Variants in CTNNA2 observed in about 807,000 individuals in gnomAD.
CTNNA2 encodes catenin alpha-2.
CTNNA2 carries 42 observed loss-of-function variants against 101.0 expected under a neutral mutation model. The ratio of observed to expected loss-of-function variants is 0.42; its 90% CI spans 0.32 to 0.54. The LOEUF is 0.54. Ranked by LOEUF, CTNNA2 falls within the 20% of genes least tolerant of loss-of-function variation. The pLI is 0.14. For missense variants in CTNNA2, 871 were observed against 1,223.1 expected (o/e 0.71, Z 4.29); for synonymous variants, 450 against 456.4 (o/e 0.99, Z 0.18).
intron 17 of CTNNA2, among the ~76,000 whole-genome samples, chr2:80,610,575 G>A (rs1227894233): frequency 2.6e-5 from 4 of 151,506 alleles, no homozygotes; most frequent in Admixed American, 1.3e-4. Context: ...ATATATGAAA[G>A]CCCCCAGGAA....
At chr2:79,847,337 G>T (rs1680308364) in intron 3 of CTNNA2, among the ~76,000 whole-genome samples, 1 of 152,028 alleles carries the variant, frequency 6.6e-6, no homozygotes, top group Non-Finnish European at 1.5e-5. Context: ...AAGGTCAGGA[G>T]TTCGAGACCA....
chr2:80,497,762 G>T (rs763489355), intron 9 of CTNNA2, among the ~76,000 whole-genome samples: 19 of 152,284 alleles, frequency 1.2e-4, no homozygotes, highest in Non-Finnish European at 2.2e-4. Context: ...AAGGTCACAG[G>T]GGAAGGAACA....
chr2:80,035,335 C>T (rs1362077008), intron 7 of CTNNA2, among the ~76,000 whole-genome samples: 10 of 151,984 alleles, frequency 6.6e-5, no homozygotes, highest in African/African-American at 2.4e-5. Context: ...CACCTAGAAA[C>T]GAAGATAATC....
intron 7 of CTNNA2, among the ~76,000 whole-genome samples, chr2:80,153,490 G>A (rs1368410407): frequency 1.3e-5 from 2 of 152,160 alleles, no homozygotes; most frequent in East Asian, 3.9e-4. Context: ...CCAGGCGTTG[G>A]CCTCGTTTGA....
At chr2:79,694,434 A>C (rs1235019163) in intron 2 of CTNNA2, among the ~76,000 whole-genome samples, 2 of 152,160 alleles carry the variant, frequency 1.3e-5, no homozygotes, top group South Asian at 2.1e-4. Context: ...AAGAGGTTTT[A>C]GAATTTATTT....
intron 7 of CTNNA2, among the ~76,000 whole-genome samples, chr2:80,026,960 C>G (rs1200903642): frequency 4.6e-5 from 7 of 152,334 alleles, no homozygotes; most frequent in Admixed American, 2.0e-4. Context: ...TTCATCCCTA[C>G]TCAGTCAGCA....
At chr2:79,939,597 T>C (rs1688011483) in intron 7 of CTNNA2, among the ~76,000 whole-genome samples, 2 of 152,226 alleles carry the variant, frequency 1.3e-5, no homozygotes, top group Non-Finnish European at 2.9e-5. Context: ...TCCTTGTTTG[T>C]AATATCCTAT....
chr2:80,522,447 T>G (rs1054119941), intron 9 of CTNNA2, among the ~76,000 whole-genome samples: 1 of 152,228 alleles, frequency 6.6e-6, no homozygotes, highest in African/African-American at 2.4e-5. Flanking sequence ...ACATTTGAAC[T>G]GTGACCGTTG....
intron 2 of CTNNA2, among the ~76,000 whole-genome samples, chr2:79,721,813 A>G (rs937052249): frequency 3.9e-5 from 6 of 152,232 alleles, no homozygotes; most frequent in African/African-American, 1.4e-4. Context: ...ACCATTGTGC[A>G]TTATGGTTTT....
chr2:79,662,351 A>G (rs941357800), intron 2 of CTNNA2, among the ~76,000 whole-genome samples: 2 of 152,246 alleles, frequency 1.3e-5, no homozygotes, highest in African/African-American at 4.8e-5. Flanking sequence ...TGTCAATGGG[A>G]AAAAAATGGA....
chr2:79,775,114 T>C (rs1251840657), intron 3 of CTNNA2, among the ~76,000 whole-genome samples: 1 of 152,140 alleles, frequency 6.6e-6, no homozygotes, highest in Non-Finnish European at 1.5e-5. Context: ...TGGACAGTGT[T>C]GGGTTTCTCT....
chr2:79,862,244 C>A (rs1410244524), intron 4 of CTNNA2, among the ~76,000 whole-genome samples: 1 of 152,094 alleles, frequency 6.6e-6, no homozygotes, highest in Non-Finnish European at 1.5e-5. Context: ...TACAAAATAG[C>A]AACCCTTAGT....
chr2:80,048,532 G>T (rs1572942634), intron 7 of CTNNA2, among the ~76,000 whole-genome samples: 1 of 152,156 alleles, frequency 6.6e-6, no homozygotes, highest in East Asian at 1.9e-4. Flanking sequence ...TATAACCAAA[G>T]CCAGGAAGTT....
chr2:80,613,648 A>G (rs1558644843), intron 17 of CTNNA2, among the ~76,000 whole-genome samples: 1 of 151,452 alleles, frequency 6.6e-6, no homozygotes, highest in Non-Finnish European at 1.5e-5. Context: ...TCAGTTATTC[A>G]TTGATGGAAT....
intron 7 of CTNNA2, among the ~76,000 whole-genome samples, chr2:79,950,962 T>G (rs1396619526): frequency 6.6e-6 from 1 of 152,214 alleles, no homozygotes; most frequent in Non-Finnish European, 1.5e-5. Context: ...GTTTAAGGAC[T>G]TATTTTAGGG....
chr2:79,950,594 CATATT>C lies in CTNNA2; in HGVS notation c.1056+40801_1056+40805del. ...GTTTACTGACTGCTTGATTTGCTAA[CATATT>C]ATACCCTTCGATTTTCAGCAACCAG... On this transcript the variant is annotated intron_variant, in intron 7 of 18. Transcript: ENST00000402739. Among the ~76,000 whole-genome samples the C allele has an allele frequency of 1.3e-5, 2 of 152,204 alleles. 1 individual carries two copies. The highest frequency in any genetic ancestry group is 2.9e-5 in the Non-Finnish European group (2 of 68,038).
chr2:79,257,538 T>G (rs979249857), intron 2 of CTNNA2, among the ~76,000 whole-genome samples: 1 of 144,992 alleles, frequency 6.9e-6, no homozygotes, highest in African/African-American at 2.5e-5. Context: ...GGTACTTAAA[T>G]AAAATATTGA....
intron 3 of CTNNA2, among the ~76,000 whole-genome samples, chr2:79,800,954 G>A (rs1340441054): frequency 2.6e-5 from 4 of 152,136 alleles, no homozygotes; most frequent in Non-Finnish European, 4.4e-5. Flanking sequence ...ATATTCAGTT[G>A]TTGTCTCTAG....
intron 7 of CTNNA2, among the ~76,000 whole-genome samples, chr2:80,183,870 A>G (rs1407564621): frequency 7.4e-6 from 1 of 134,776 alleles, no homozygotes; most frequent in Non-Finnish European, 1.6e-5. Flanking sequence ...CGTAAGAAGA[A>G]GTGTGTGCTC....
Sources: allele counts gnomAD v4.1 joint callset (sites outside exome capture counted in the v4.1 genomes callset), GRCh38; gene constraint gnomAD v4.1.1; transcripts MANE v1.5; gene names NCBI Gene and HGNC (gene_info 2026-07-23, HGNC 2026-07-21).